Variants in KDM2A observed in about 807,000 individuals in gnomAD.
KDM2A encodes the protein lysine demethylase 2A.
A neutral mutation model predicts 137.3 loss-of-function variants in KDM2A; 3 were observed. The observed-to-expected ratio is 0.02, with a 90% CI of 0.01 to 0.06. KDM2A has a LOEUF of 0.06. KDM2A is among the 10% of genes least tolerant of loss of function. The pLI, the probability that KDM2A is intolerant of heterozygous loss-of-function variation, is 1.00. For missense variants in KDM2A, 738 were observed against 1,510.6 expected (o/e 0.49, Z 8.48); for synonymous variants, 512 against 541.5 (o/e 0.95, Z 0.76).
chr11:67,199,099 T>G (rs1453955685), intron 5 of KDM2A, among the ~76,000 whole-genome samples: 2 of 152,232 alleles, frequency 1.3e-5, no homozygotes, highest in Non-Finnish European at 2.9e-5. Context: ...TCTTTGACAT[T>G]ACTATTATAC....
At chr11:67,180,910 C>T (rs1451169831) in intron 3 of KDM2A, among the ~76,000 whole-genome samples, 1 of 151,810 alleles carries the variant, frequency 6.6e-6, no homozygotes, top group African/African-American at 2.4e-5. Context: ...GATCTGCCCA[C>T]CTTGGCCTCC....
At chr11:67,210,132 C>T (rs770444655) in intron 6 of KDM2A, among the ~76,000 whole-genome samples, 3 of 151,906 alleles carry the variant, frequency 2.0e-5, no homozygotes, top group Non-Finnish European at 2.9e-5. Context: ...TTGGGGAGGC[C>T]GAAGGCAGAC....
intron 2 of KDM2A, among the ~76,000 whole-genome samples, chr11:67,135,670 T>C (rs1305374965): frequency 6.6e-6 from 1 of 152,254 alleles, no homozygotes; most frequent in African/African-American, 2.4e-5. Context: ...AGTAGTTTTA[T>C]AGTTTGCAAA....
chr11:67,175,034 A>C (rs969558335), intron 2 of KDM2A, among the ~76,000 whole-genome samples: 1 of 152,168 alleles, frequency 6.6e-6, no homozygotes, highest in African/African-American at 2.4e-5. Context: ...AATTTGTATT[A>C]TTTGGTAATG....
chr11:67,246,852 A>G (rs1658190389), intron 15 of KDM2A, among the ~76,000 whole-genome samples: 1 of 151,562 alleles, frequency 6.6e-6, no homozygotes, highest in South Asian at 2.1e-4. Flanking sequence ...TTTTTTGAAT[A>G]CTATATAGTA....
At chr11:67,157,395 C>CT (rs895024233) in intron 2 of KDM2A, among the ~76,000 whole-genome samples, 1 of 150,196 alleles carries the variant, frequency 6.7e-6, no homozygotes, top group Non-Finnish European at 1.5e-5. Context: ...GTGTGATTGA[C>CT]TTTTTAAGTA....
chr11:67,151,354 A>AT (rs1484212908), intron 2 of KDM2A, among the ~76,000 whole-genome samples: 1 of 151,866 alleles, frequency 6.6e-6, no homozygotes, highest in Non-Finnish European at 1.5e-5. Context: ...TATTTTATTT[A>AT]TTATTTTATT....
intron 5 of KDM2A, among the ~76,000 whole-genome samples, chr11:67,182,490 TC>T (rs1292125254): frequency 4.0e-5 from 6 of 151,876 alleles, no homozygotes; most frequent in Non-Finnish European, 8.8e-5. Flanking sequence ...CACCTCAGCA[TC>T]CTTAGGAGTT....
chr11:67,251,528 T>TCA (rs1224001275), intron 17 of KDM2A, among the ~76,000 whole-genome samples: 1 of 152,236 alleles, frequency 6.6e-6, no homozygotes, highest in Non-Finnish European at 1.5e-5. Context: ...TTTATCTGGG[T>TCA]CACACACATC....
chr11:67,212,309 A>G (rs1858019323), intron 6 of KDM2A, among the ~76,000 whole-genome samples: 1 of 152,194 alleles, frequency 6.6e-6, no homozygotes, highest in Admixed American at 6.5e-5. Context: ...AAGGAATAGC[A>G]TTTGTAAAAG....
At chr11:67,145,312 C>G (rs1856218274) in intron 2 of KDM2A, among the ~76,000 whole-genome samples, 1 of 151,492 alleles carries the variant, frequency 6.6e-6, no homozygotes, top group South Asian at 2.1e-4. Flanking sequence ...TGGTGAAACC[C>G]CGTCTACAAA....
intron 6 of KDM2A, among the ~76,000 whole-genome samples, chr11:67,209,769 T>C (rs1340762343): frequency 1.3e-5 from 2 of 152,060 alleles, no homozygotes; most frequent in Non-Finnish European, 1.5e-5. Context: ...AATTTAAAAA[T>C]AACAGGATTG....
intron 2 of KDM2A, among the ~76,000 whole-genome samples, chr11:67,172,868 C>A (rs1315770026): frequency 6.6e-6 from 1 of 152,030 alleles, no homozygotes; most frequent in African/African-American, 2.4e-5. Flanking sequence ...AGCTTTCAGT[C>A]TTTCACCATT....
At chr11:67,173,739 G>A (rs1008876868) in intron 2 of KDM2A, among the ~76,000 whole-genome samples, 5 of 152,000 alleles carry the variant, frequency 3.3e-5, no homozygotes, top group Admixed American at 6.6e-5. Context: ...TTGAGGCAAG[G>A]TCTGGCTCTG....
Position 67,120,016 on chromosome 11 carries a change from T to C in KDM2A, c.-117T>C. 1 of 152,502 alleles carries C rather than the reference T, an allele frequency of 6.6e-6. No individual in the cohort carries two copies. 9.4% of individuals were successfully genotyped at this position (152,502 alleles called of 1,614,324 possible). A position where few individuals can be genotyped will look rare whatever the true frequency, so the allele number is the denominator to read the frequency against. On this transcript the variant is annotated 5_prime_UTR_variant, in exon 1 of 21. Coordinates refer to ENST00000529006, the MANE Select transcript of KDM2A (RefSeq NM_012308.3). Reference sequence around the variant, plus strand: ...TCTCAGCTTTGGAATCTTTTACTTCTCACTTGGACAAGAACTCAAGAGCAG... The same window carrying C: ...TCTCAGCTTTGGAATCTTTTACTTCCCACTTGGACAAGAACTCAAGAGCAG...
At chr11:67,179,388 G>A (rs572040723) in intron 2 of KDM2A, among the ~76,000 whole-genome samples, 2 of 152,068 alleles carry the variant, frequency 1.3e-5, no homozygotes, top group Admixed American at 6.5e-5. Flanking sequence ...ATTCTCCTGC[G>A]TCAGCCTCCT....
chr11:67,164,724 G>A (rs1268442152), intron 2 of KDM2A, among the ~76,000 whole-genome samples: 1 of 151,782 alleles, frequency 6.6e-6, no homozygotes, highest in African/African-American at 2.4e-5. Flanking sequence ...AGGGTCAAGC[G>A]ATTCTTCTGC....
chr11:67,131,641 A>G (rs1306753121), intron 2 of KDM2A, among the ~76,000 whole-genome samples: 1 of 151,856 alleles, frequency 6.6e-6, no homozygotes, highest in Non-Finnish European at 1.5e-5. Context: ...GGAACTCCTG[A>G]CCTCGGGTGA....
chr11:67,214,274 G>A (rs1590792610), intron 6 of KDM2A, among the ~76,000 whole-genome samples: 1 of 144,540 alleles, frequency 6.9e-6, no homozygotes, highest in African/African-American at 2.6e-5. Flanking sequence ...GCGCAATCTC[G>A]GCTCACTGCA....
Sources: gnomAD v4.1 joint callset for allele counts (sites outside exome capture counted in the v4.1 genomes callset) on GRCh38, gnomAD v4.1.1 for gene constraint, MANE v1.5 for transcripts, NCBI Gene and HGNC (gene_info 2026-07-23, HGNC 2026-07-21) for gene names.